EVL: variants seen among roughly 807,000 people sequenced by gnomAD.
EVL encodes ena/VASP-like protein.
A neutral mutation model predicts 59.6 loss-of-function variants in EVL; 21 were observed. That is an observed-to-expected ratio of 0.35 (90% confidence interval 0.25 to 0.51). The LOEUF is 0.51. Ranked by LOEUF, EVL falls within the 20% of genes least tolerant of loss-of-function variation. The pLI is 0.97. For missense variants in EVL, 462 were observed against 546.6 expected, an observed-to-expected ratio of 0.85 and a Z score of 1.54; for synonymous variants, 198 against 203.5, an observed-to-expected ratio of 0.97 and a Z score of 0.23.
chr14:100,020,475 GTGCACGCA>G (rs971115843), intron 1 of EVL, among the ~76,000 whole-genome samples: 20 of 151,762 alleles, frequency 1.3e-4, no homozygotes, highest in Admixed American at 5.9e-4. Flanking sequence ...GTGTGTGTGT[GTGCACGCA>G]CACACACACA....
chr14:99,983,553 A>G (rs2060821790), intron 1 of EVL, among the ~76,000 whole-genome samples: 2 of 152,110 alleles, frequency 1.3e-5, no homozygotes, highest in East Asian at 1.9e-4. Context: ...TTTCCCATGT[A>G]TTTGTCCTGG....
intron 1 of EVL, among the ~76,000 whole-genome samples, chr14:100,043,265 GTA>G (rs200327736): frequency 0.017 from 2,615 of 150,976 alleles, 31 homozygotes; most frequent in Non-Finnish European, 0.026. Context: ...ATGTGTGTGT[GTA>G]TATATATATG....
chr14:100,041,061 T>G (rs894403153), intron 1 of EVL, among the ~76,000 whole-genome samples: 1 of 152,184 alleles, frequency 6.6e-6, no homozygotes, highest in African/African-American at 2.4e-5. Context: ...AATAATATAT[T>G]AATACATAAT....
chr14:100,094,937 AG>A (rs1885699615), intron 2 of EVL, among the ~76,000 whole-genome samples: 3 of 151,758 alleles, frequency 2.0e-5, no homozygotes, highest in Non-Finnish European at 4.4e-5. Context: ...GCTACTCTGG[AG>A]GCTGAGGCAG....
intron 1 of EVL, among the ~76,000 whole-genome samples, chr14:100,074,031 G>T (rs1012139044): frequency 6.6e-6 from 1 of 152,114 alleles, no homozygotes; most frequent in African/African-American, 2.4e-5. Flanking sequence ...GGGTCGGGGA[G>T]CAGTGTGAGT....
intron 1 of EVL, among the ~76,000 whole-genome samples, chr14:100,038,604 GT>G (rs201591327): frequency 6.6e-6 from 1 of 151,964 alleles, no homozygotes; most frequent in Non-Finnish European, 1.5e-5. Flanking sequence ...TAATAAGCTA[GT>G]TTTATTAATT....
At chr14:100,091,516 G>C (rs2062563938) in intron 2 of EVL, among the ~76,000 whole-genome samples, 2 of 152,218 alleles carry the variant, frequency 1.3e-5, no homozygotes. Flanking sequence ...AGCTTCCAGA[G>C]AGCTGACCTG....
At chr14:100,001,268 C>T (rs970162773) in intron 1 of EVL, among the ~76,000 whole-genome samples, 4 of 151,528 alleles carry the variant, frequency 2.6e-5, no homozygotes, top group Non-Finnish European at 5.9e-5. Context: ...TAGGAAAAAA[C>T]GGAAGGAAAA....
chr14:100,018,817 C>T (rs1373080149), intron 1 of EVL, among the ~76,000 whole-genome samples: 1 of 152,194 alleles, frequency 6.6e-6, no homozygotes, highest in Non-Finnish European at 1.5e-5. Flanking sequence ...TCTCAGAATA[C>T]AACCTCAGCT....
chr14:100,055,310 A>T (rs563993223), intron 1 of EVL, among the ~76,000 whole-genome samples: 18 of 152,036 alleles, frequency 1.2e-4, no homozygotes, highest in Admixed American at 2.6e-4. Context: ...TTCTCTGCGC[A>T]TAATGTTTTC....
At chr14:100,005,657 A>C (rs1324476627) in intron 1 of EVL, among the ~76,000 whole-genome samples, 1 of 151,604 alleles carries the variant, frequency 6.6e-6, no homozygotes, top group African/African-American at 2.4e-5. Flanking sequence ...ACACACACAC[A>C]CACACACACA....
In EVL at chr14:100,143,685, G is replaced by A. The variant is rs151104095; in HGVS notation, c.1220-16G>A. ...TGGTCATGGCTGCACCTGAGCCGCC[G>A]CCACCTGTCCCGCAGCCATCAGGCA... On this transcript the variant is annotated splice_polypyrimidine_tract_variant and intron_variant, in intron 13 of 13. Coordinates refer to ENST00000392920, the MANE Select transcript of EVL (RefSeq NM_016337.3). 9.2e-5 allele frequency: 148 copies of A among 1,611,420 alleles called. No individual in the cohort carries two copies. The highest frequency in any genetic ancestry group is 1.2e-4 in the Non-Finnish European group (142 of 1,179,816).
intron 1 of EVL, among the ~76,000 whole-genome samples, chr14:100,014,005 A>G (rs1270509147): frequency 4.6e-5 from 7 of 152,226 alleles, no homozygotes; most frequent in African/African-American, 1.7e-4. Flanking sequence ...CATCACCTCA[A>G]ACATTTATTA....
chr14:100,047,491 C>T (rs2061572367), intron 1 of EVL, among the ~76,000 whole-genome samples: 2 of 151,920 alleles, frequency 1.3e-5, no homozygotes, highest in African/African-American at 2.4e-5. Context: ...AGCCAGAGCT[C>T]ACACTCTCTT....
At chr14:100,123,204 G>C (rs1212201358) in intron 3 of EVL, among the ~76,000 whole-genome samples, 5 of 152,222 alleles carry the variant, frequency 3.3e-5, no homozygotes, top group Admixed American at 3.3e-4. Context: ...AAAGGGTTGA[G>C]GGGGTGGTGG....
At chr14:100,058,842 T>C (rs903944465) in intron 1 of EVL, among the ~76,000 whole-genome samples, 3 of 152,214 alleles carry the variant, frequency 2.0e-5, no homozygotes, top group African/African-American at 2.4e-5. Flanking sequence ...AGCTAGATGA[T>C]AGAGTTAAAA....
Position 100,108,166 on chromosome 14 carries a change from G to A in EVL, c.358+10508G>A, listed in dbSNP as rs925997259. 2.2e-4 allele frequency: 34 copies of A among 152,186 alleles called. No individual in the cohort carries two copies. The highest frequency in any genetic ancestry group is 8.2e-4 in the African/African-American group (34 of 41,426). The allele number at this position is 152,186 out of a possible 1,614,324, so 9.4% of individuals were successfully genotyped here. On this transcript the variant is annotated intron_variant, in intron 3 of 13. Coordinates refer to ENST00000392920, the MANE Select transcript of EVL (RefSeq NM_016337.3). The surrounding 1 kb of genome is among the most constrained non-coding windows in gnomAD (Gnocchi z 4.1). ...GGGGCTGCACCTTCAGCACAGTGTT[G>A]AGAAAGAGCCCCGGAAAGGGACTTA...
At chr14:100,115,875 C>T (rs148530236) in intron 3 of EVL, among the ~76,000 whole-genome samples, 8 of 152,176 alleles carry the variant, frequency 5.3e-5, no homozygotes, top group Admixed American at 2.0e-4. Context: ...GAGCTGAGCT[C>T]GGAGGATAGG....
chr14:99,979,806 T>C (rs1430205126), intron 1 of EVL, among the ~76,000 whole-genome samples: 1 of 152,154 alleles, frequency 6.6e-6, no homozygotes, highest in Non-Finnish European at 1.5e-5. Flanking sequence ...GAGGCAGAGC[T>C]TGCAGTGAGC....
Sources: allele counts gnomAD v4.1 joint callset (sites outside exome capture counted in the v4.1 genomes callset), GRCh38; gene constraint gnomAD v4.1.1; non-coding constraint Gnocchi (gnomAD v3.1); transcripts MANE v1.5; gene names NCBI Gene and HGNC (gene_info 2026-07-23, HGNC 2026-07-21).